The following CSMD1 variants were observed in gnomAD, a reference collection of about 807,000 sequenced individuals.
CSMD1 encodes CUB and Sushi multiple domains 1, also known as CUB and sushi domain-containing protein 1.
CSMD1 carries 213 observed loss-of-function variants against 417.5 expected under a neutral mutation model. That is an observed-to-expected ratio of 0.51 (90% CI 0.46 to 0.57). The LOEUF is 0.57. CSMD1 is among the 20% of genes least tolerant of loss of function. The pLI is 0.00. For missense variants in CSMD1, 6,923 were observed against 4,529.7 expected, an observed-to-expected ratio of 1.53 and a Z score of -15.17; for synonymous variants, 2,862 against 1,736.8, an observed-to-expected ratio of 1.65 and a Z score of -16.11.
intron 5 of CSMD1, among the ~76,000 whole-genome samples, chr8:3,854,730 G>A (rs949031954): frequency 6.9e-6 from 1 of 144,716 alleles, no homozygotes; most frequent in Non-Finnish European, 1.5e-5. Context: ...ATGAGTAAGA[G>A]AAACTCCAGA....
intron 54 of CSMD1, among the ~76,000 whole-genome samples, chr8:2,991,313 C>T (rs370628522): frequency 6.6e-6 from 1 of 152,142 alleles, no homozygotes; most frequent in South Asian, 2.1e-4. Flanking sequence ...ATTTCTGTAA[C>T]AGGGTAAGGA....
At chr8:3,310,288 G>T (rs58025701) in intron 23 of CSMD1, among the ~76,000 whole-genome samples, 1 of 152,118 alleles carries the variant, frequency 6.6e-6, no homozygotes, top group Non-Finnish European at 1.5e-5. Flanking sequence ...TTCTGTTTTC[G>T]CAGAGAGGAA....
intron 60 of CSMD1, among the ~76,000 whole-genome samples, chr8:2,962,967 G>C (rs937650951): frequency 6.6e-5 from 10 of 152,144 alleles, no homozygotes; most frequent in African/African-American, 2.2e-4. Flanking sequence ...AGGATGGTTT[G>C]AGCCCGAGAG....
intron 37 of CSMD1, among the ~76,000 whole-genome samples, chr8:3,167,291 G>GAAAAAAAAAAAA (rs61026104): frequency 9.7e-6 from 1 of 102,640 alleles, no homozygotes; most frequent in Non-Finnish European, 2.1e-5. Flanking sequence ...CTTGGAAAAA[G>GAAAAAAAAAAAA]AAAAAAAAAA....
Position 3,913,568 on chromosome 8 carries a change from C to T in CSMD1, c.818+84335G>A, listed in dbSNP as rs563334594. Reference sequence around the variant, plus strand: ...AGTAATAATAAGGCAACAAAGAATACGGTCAGTGAGTTCCAGTGCATTTGC... The same window carrying T: ...AGTAATAATAAGGCAACAAAGAATATGGTCAGTGAGTTCCAGTGCATTTGC... On this transcript the variant is annotated intron_variant, in intron 5 of 69. Coordinates refer to ENST00000635120, the MANE Select transcript of CSMD1 (RefSeq NM_033225.6). Among the ~76,000 whole-genome samples, 64 of 152,252 alleles carry T rather than the reference C, an allele frequency of 4.2e-4. No individual in the cohort carries two copies. In the Middle Eastern group the frequency reaches 0.01, roughly 24 times the overall value.
At chr8:4,609,460 T>C (rs1243210227) in intron 2 of CSMD1, among the ~76,000 whole-genome samples, 1 of 152,184 alleles carries the variant, frequency 6.6e-6, no homozygotes, top group East Asian at 1.9e-4. Context: ...TGGGGTATTT[T>C]GTTATGTTAA....
At chr8:4,729,568 G>A (rs977020266) in intron 1 of CSMD1, among the ~76,000 whole-genome samples, 1 of 152,102 alleles carries the variant, frequency 6.6e-6, no homozygotes, top group Non-Finnish European at 1.5e-5. Context: ...GGCAAATTTC[G>A]ATATTGCTAG....
At chr8:4,568,051 G>C (rs1563294093) in intron 2 of CSMD1, among the ~76,000 whole-genome samples, 1 of 152,152 alleles carries the variant, frequency 6.6e-6, no homozygotes, top group Non-Finnish European at 1.5e-5. Context: ...CATGTGGACT[G>C]ATACTGTAAA....
In CSMD1 at chr8:3,737,356, T is replaced by C. The variant is rs1796575088; in HGVS notation, c.931+16574A>G. Among the ~76,000 whole-genome samples the C allele has an allele frequency of 1.3e-5, 2 of 152,220 alleles. 1 individual carries two copies. Among genetic ancestry groups the C allele is most frequent in the South Asian group, 4.1e-4 (2 of 4,834 alleles). On this transcript the variant is annotated intron_variant, in intron 6 of 69. Coordinates refer to ENST00000635120, the MANE Select transcript of CSMD1 (RefSeq NM_033225.6). ...CCTCACATTCCTAATGTGACCCCCC[T>C]TTCTCTATCACATTCTTCATTGTGC...
chr8:3,327,115 G>C (rs565258088), intron 23 of CSMD1, among the ~76,000 whole-genome samples: 1 of 151,144 alleles, frequency 6.6e-6, no homozygotes, highest in South Asian at 2.1e-4. Flanking sequence ...TCTCATCATT[G>C]GCATTAACAC....
At chr8:4,198,304 G>C (rs1045142771) in intron 3 of CSMD1, among the ~76,000 whole-genome samples, 6 of 152,210 alleles carry the variant, frequency 3.9e-5, no homozygotes, top group African/African-American at 1.4e-4. Context: ...GTGGCAGCAG[G>C]GGCTGGCAAG....
intron 5 of CSMD1, among the ~76,000 whole-genome samples, chr8:3,859,527 T>G (rs949331380): frequency 6.6e-5 from 10 of 152,204 alleles, no homozygotes; most frequent in Non-Finnish European, 1.2e-4. Flanking sequence ...CTGGCCACAG[T>G]TGGATTTCAG....
At chr8:3,965,722 A>G (rs1380013970) in intron 5 of CSMD1, among the ~76,000 whole-genome samples, 3 of 151,992 alleles carry the variant, frequency 2.0e-5, no homozygotes, top group African/African-American at 7.3e-5. Context: ...CTTTCCGGAG[A>G]TTCTCCTGCC....
chr8:3,000,817 A>G (rs571369050), intron 52 of CSMD1, among the ~76,000 whole-genome samples: 53 of 152,318 alleles, frequency 3.5e-4, no homozygotes, highest in Middle Eastern at 6.8e-3. Context: ...CAGTGAAAGA[A>G]CAGGAAGGAG....
At chr8:3,637,977 C>T (rs1195036115) in intron 7 of CSMD1, among the ~76,000 whole-genome samples, 1 of 152,166 alleles carries the variant, frequency 6.6e-6, no homozygotes, top group African/African-American at 2.4e-5. Context: ...ATTGTGAGGC[C>T]TCCTCAGTTA....
intron 2 of CSMD1, among the ~76,000 whole-genome samples, chr8:4,456,985 T>TAAA (rs1554485114): frequency 0.01 from 1,419 of 138,762 alleles, 28 homozygotes; most frequent in African/African-American, 0.035. Flanking sequence ...GGTTTTTTTT[T>TAAA]AAAAAAAAAA....
intron 7 of CSMD1, among the ~76,000 whole-genome samples, chr8:3,640,194 C>T (rs1797239953): frequency 6.6e-6 from 1 of 152,104 alleles, no homozygotes. Context: ...AGGGATATTG[C>T]AGTCATGTGG....
intron 3 of CSMD1, among the ~76,000 whole-genome samples, chr8:4,334,341 C>T (rs1031086021): frequency 1.3e-5 from 2 of 152,116 alleles, no homozygotes; most frequent in Non-Finnish European, 2.9e-5. Flanking sequence ...ATGACATTTA[C>T]ACTTAATAAA....
chr8:4,339,617 A>G (rs577990623), intron 3 of CSMD1, among the ~76,000 whole-genome samples: 1 of 152,260 alleles, frequency 6.6e-6, no homozygotes, highest in South Asian at 2.1e-4. Context: ...TCGCTCAATG[A>G]TTACCTGCCC....
Sources: allele counts gnomAD v4.1 joint callset (sites outside exome capture counted in the v4.1 genomes callset), GRCh38; gene constraint gnomAD v4.1.1; transcripts MANE v1.5; gene names NCBI Gene and HGNC (gene_info 2026-07-23, HGNC 2026-07-21).